The following PHF14 variants were observed in gnomAD, a reference collection of about 807,000 sequenced individuals.
PHF14 encodes PHD finger protein 14.
In PHF14, 55 loss-of-function variants were observed where a neutral mutation model predicts 117.9. The ratio of observed to expected loss-of-function variants is 0.47; its 90% CI spans 0.38 to 0.58. The LOEUF is 0.58. PHF14 is among the 20% of genes least tolerant of loss of function. The pLI is 0.00. For missense variants in PHF14, 978 were observed against 1,122.2 expected (o/e 0.87, Z 1.84); for synonymous variants, 409 against 368.6 (o/e 1.11, Z -1.26).
At chr7:11,102,707 G>T in intron 16 of PHF14, 1 of 1,404,514 alleles carries the variant, frequency 7.1e-7, no homozygotes, top group Non-Finnish European at 9.3e-7. Context: ...TTGTTACTTG[G>T]ACTAACAAGG....
At chr7:11,162,514 T>C (rs1789076205) in intron 17 of PHF14, among the ~76,000 whole-genome samples, 1 of 152,102 alleles carries the variant, frequency 6.6e-6, no homozygotes, top group Non-Finnish European at 1.5e-5. Flanking sequence ...ATACTTATCA[T>C]CCATCATTCA....
chr7:10,985,636 C>CTTTTT (rs1782193317), intron 3 of PHF14, among the ~76,000 whole-genome samples: 1 of 90,830 alleles, frequency 1.1e-5, no homozygotes, highest in Non-Finnish European at 2.1e-5. Context: ...GATTCTCAAA[C>CTTTTT]TGTTTTTTTT....
chr7:11,055,092 G>T (rs1036155272), intron 14 of PHF14, among the ~76,000 whole-genome samples: 1 of 152,034 alleles, frequency 6.6e-6, no homozygotes, highest in East Asian at 1.9e-4. Context: ...TAGAATTATT[G>T]TAAAGGCAGC....
chr7:11,149,090 A>T (rs941527824), intron 17 of PHF14, among the ~76,000 whole-genome samples: 1 of 152,104 alleles, frequency 6.6e-6, no homozygotes, highest in Admixed American at 6.6e-5. Flanking sequence ...CACAGAGTCA[A>T]ACCAATAGTT....
chr7:11,090,284 A>C (rs1786594340), intron 16 of PHF14, among the ~76,000 whole-genome samples: 1 of 152,130 alleles, frequency 6.6e-6, no homozygotes, highest in South Asian at 2.1e-4. Context: ...ACTGGTAGGC[A>C]CTCCCTGTAA....
At position 10,985,636 on chromosome 7, in the gene PHF14, C is replaced by CCGGTTTTTTTTTTTTTT. The variant is rs750860479; in HGVS notation, c.900+2477_900+2478insCGGTTTTTTTTTTTTTT. On this transcript the variant is annotated intron_variant, in intron 3 of 17. Coordinates refer to ENST00000634607, the MANE Select transcript of PHF14 (RefSeq NM_001007157.2). ...ATACTCTCTAGCAGTGATTCTCAAA[C>CCGGTTTTTTTTTTTTTT]TGTTTTTTTTTTTTTTTTTTTTTTT... is the stretch of plus-strand genomic sequence containing the variant. 1.8e-4 allele frequency among the ~76,000 whole-genome samples: 16 copies of CCGGTTTTTTTTTTTTTT among 90,864 alleles called. No individual in the cohort carries two copies. The East Asian group carries it at 2.9e-3, about 16-fold the overall frequency. The allele number at this position is 90,864 out of a possible 152,430, so 59.6% of individuals were successfully genotyped here.
At chr7:11,042,457 A>C (rs967773678) in intron 12 of PHF14, among the ~76,000 whole-genome samples, 37 of 151,984 alleles carry the variant, frequency 2.4e-4, no homozygotes, top group Non-Finnish European at 4.9e-4. Flanking sequence ...GTAGTATTTA[A>C]ATTTTTACCA....
chr7:10,997,108 C>T (rs561300929), intron 4 of PHF14, among the ~76,000 whole-genome samples: 4 of 152,310 alleles, frequency 2.6e-5, no homozygotes, highest in Non-Finnish European at 5.9e-5. Flanking sequence ...CTATCCCTTT[C>T]TGTCTGTATT....
chr7:11,152,754 T>C (rs1340835142), intron 17 of PHF14, among the ~76,000 whole-genome samples: 1 of 152,148 alleles, frequency 6.6e-6, no homozygotes, highest in Non-Finnish European at 1.5e-5. Context: ...GTAATAAATG[T>C]TATGGAAAAC....
intron 16 of PHF14, among the ~76,000 whole-genome samples, chr7:11,089,959 C>T (rs773007094): frequency 2.0e-5 from 3 of 151,998 alleles, no homozygotes; most frequent in Non-Finnish European, 4.4e-5. Context: ...TTAGTAAAGA[C>T]GGGGTTTCTC....
chr7:11,076,602 G>A (rs1785861469), intron 16 of PHF14, among the ~76,000 whole-genome samples: 1 of 126,834 alleles, frequency 7.9e-6, no homozygotes, highest in Admixed American at 9.9e-5. Context: ...GAGTCTCACT[G>A]TGTAGCCCAG....
At position 10,974,897 on chromosome 7, in the gene PHF14, G is replaced by C. The variant is rs753023524; in HGVS notation, c.64G>C (p.Asp22His). 4 of 1,592,886 alleles carry C rather than the reference G, an allele frequency of 2.5e-6. No homozygotes were observed. Among genetic ancestry groups the C allele is most frequent in the African/African-American group, 1.3e-5 (1 of 74,624 alleles). ...GGCAGCTTCTCTGCTGGAAGCTCTT[G>C]ATTATGATAGTTCAGATGACAGTGA... The part of the protein sequence containing the change: ...PLAASLLEAL[D>H]YDSSDDSDFK... Residue 22 changes from aspartate (D) to histidine (H), a missense_variant, in exon 2 of 18, where the codon GAT becomes CAT. Around this residue, in one of 7 missense-constraint regions of PHF14, gnomAD observed 414 missense variants for 376.4 expected, o/e 1.10. Coordinates refer to ENST00000634607, the MANE Select transcript of PHF14 (RefSeq NM_001007157.2).
intron 4 of PHF14, chr7:11,006,598 C>T (rs1033545227): frequency 3.3e-6 from 2 of 607,812 alleles, no homozygotes; most frequent in Non-Finnish European, 6.3e-6. Flanking sequence ...ATGTTGTTGT[C>T]TTCTATCTTC....
chr7:11,128,530 G>A (rs1319218892), intron 17 of PHF14, among the ~76,000 whole-genome samples: 2 of 151,670 alleles, frequency 1.3e-5, no homozygotes, highest in Non-Finnish European at 2.9e-5. Flanking sequence ...CACTCTTTGG[G>A]AAAGATCACT....
intron 11 of PHF14, among the ~76,000 whole-genome samples, chr7:11,039,424 C>T (rs915772899): frequency 1.3e-5 from 2 of 151,930 alleles, no homozygotes; most frequent in Admixed American, 1.3e-4. Flanking sequence ...TTCATGAACA[C>T]CTTTAGTCTG....
rs192673606 is a variant in PHF14, at chr7:11,147,990, C to T, written c.2773-21426C>T. Among the ~76,000 whole-genome samples the T allele has an allele frequency of 2.0e-5, 3 of 152,250 alleles. No homozygotes were observed. The East Asian group carries it at 5.8e-4, about 29-fold the overall frequency. On this transcript the variant is annotated intron_variant, in intron 17 of 17. Coordinates refer to ENST00000634607, the MANE Select transcript of PHF14 (RefSeq NM_001007157.2). The stretch of plus-strand genomic sequence containing the variant: ...ACTTCTCCCACAGTCTTTCCTACCT[C>T]AGTCTCATCATTTTTGACAACCAGC...
intron 14 of PHF14, among the ~76,000 whole-genome samples, chr7:11,056,318 C>T (rs1446602151): frequency 6.6e-6 from 1 of 152,044 alleles, no homozygotes; most frequent in African/African-American, 2.4e-5. Context: ...TTTGTATATA[C>T]CATTATCTCT....
intron 11 of PHF14, among the ~76,000 whole-genome samples, chr7:11,039,867 T>A (rs2128323328): frequency 6.6e-6 from 1 of 152,282 alleles, no homozygotes; most frequent in South Asian, 2.1e-4. Context: ...GATGGATTTT[T>A]GGAAGATTAT....
chr7:10,998,695 A>G (rs958326667), intron 4 of PHF14, among the ~76,000 whole-genome samples: 2 of 152,186 alleles, frequency 1.3e-5, no homozygotes, highest in Admixed American at 1.3e-4. Flanking sequence ...TGTTTGTTAC[A>G]TTGATCACTG....
Sources: gnomAD v4.1 joint callset for allele counts (sites outside exome capture counted in the v4.1 genomes callset) on GRCh38, gnomAD v4.1.1 for gene constraint, gnomAD v4.1.1 regional missense constraint, MANE v1.5 for transcripts, NCBI Gene and HGNC (gene_info 2026-07-23, HGNC 2026-07-21) for gene names.